The following POT1 variants were observed in gnomAD, a reference collection of about 807,000 sequenced individuals.
POT1 encodes protection of telomeres 1, also known as protection of telomeres protein 1.
Under a neutral mutation model 78.5 loss-of-function variants are expected in POT1, and 47 were observed. The ratio of observed to expected loss-of-function variants is 0.60; its 90% CI spans 0.47 to 0.76. The LOEUF (loss-of-function observed/expected upper bound fraction) is 0.76. POT1 is among the 30% of genes least tolerant of loss of function. The pLI is 0.00. For synonymous variants in POT1, 259 were observed against 260.7 expected, an observed-to-expected ratio of 0.99 and a Z score of 0.06; for missense variants, 646 against 749.9, an observed-to-expected ratio of 0.86 and a Z score of 1.62.
In POT1 at chr7:124,889,868, A is replaced by G. The variant is rs146485138; in HGVS notation, c.124+2398T>C. 5.1e-3 allele frequency among the ~76,000 whole-genome samples: 770 copies of G among 152,120 alleles called. 9 individuals are homozygous for G. Among genetic ancestry groups the G allele is most frequent in the African/African-American group, 0.017 (707 of 41,526 alleles). ...CATTGACAGTGCACCTAGTCACACAAGAGCTCTGATGGAGATGTTCAAGAT... is the reference window on the plus strand; with the variant it reads ...CATTGACAGTGCACCTAGTCACACAGGAGCTCTGATGGAGATGTTCAAGAT... On this transcript the variant is annotated intron_variant, in intron 6 of 18. Transcript: ENST00000357628.
intron 3 of POT1, among the ~76,000 whole-genome samples, chr7:124,904,489 T>C (rs536267777): frequency 3.3e-5 from 5 of 152,254 alleles, no homozygotes; most frequent in Admixed American, 3.3e-4. Context: ...ATTGATGGGA[T>C]GTATCTCAAA....
intron 13 of POT1, 103 bp downstream of exon 13, chr7:124,842,698 AATATAT>A (rs767685904): frequency 1.2e-6 from 1 of 831,042 alleles, no homozygotes; most frequent in Non-Finnish European, 1.7e-6. Flanking sequence ...TGCAAAATAT[AATATAT>A]ATATTAACAA....
chr7:124,872,501 T>A (rs66922607), intron 6 of POT1, among the ~76,000 whole-genome samples: 30,353 of 152,198 alleles, frequency 0.2, 3,765 homozygotes, highest in East Asian at 0.3. Context: ...ACTTAGTAGC[T>A]GTTTCAGCTA....
chr7:124,857,203 GTTTTC>G (rs1584768566), intron 9 of POT1, among the ~76,000 whole-genome samples: 1 of 152,296 alleles, frequency 6.6e-6, no homozygotes, highest in African/African-American at 2.4e-5. Flanking sequence ...CACTCTTACT[GTTTTC>G]TTTTAATTTC....
Position 124,823,853 on chromosome 7 carries a change from C to A in POT1, c.*109G>T, listed in dbSNP as rs990655151. 2.9e-5 allele frequency: 21 copies of A among 714,460 alleles called. No homozygotes were observed. The highest frequency in any genetic ancestry group is 5.2e-5 in the Non-Finnish European group (21 of 402,006). 44.3% of individuals were successfully genotyped at this position (714,460 alleles called of 1,614,324 possible). On this transcript the variant is annotated 3_prime_UTR_variant, in exon 19 of 19. Coordinates refer to ENST00000357628, the MANE Select transcript of POT1 (RefSeq NM_015450.3). ...GTAAGGACATTTTCTAATCCCATAC[C>A]CATGCTAACATCATCAACATTGCTG...
At chr7:124,897,122 G>A (rs1336853873) in intron 5 of POT1, 43 bp downstream of exon 5, 6 of 1,303,752 alleles carry the variant, frequency 4.6e-6, no homozygotes, top group Admixed American at 4.2e-5. Context: ...GGCATATACA[G>A]GTATAGGTGT....
At position 124,863,542 on chromosome 7, in the gene POT1, A is replaced by T; in HGVS notation, c.354T>A (p.Thr118=). 6.2e-7 allele frequency: 1 copy of T among 1,613,916 alleles called. No individual in the cohort carries two copies. Among genetic ancestry groups the T allele is most frequent in the South Asian group, 1.1e-5 (1 of 91,086 alleles). Residue 118 remains threonine, a synonymous_variant, in exon 8 of 19, where the codon ACT becomes ACA. Coordinates refer to ENST00000357628, the MANE Select transcript of POT1 (RefSeq NM_015450.3). ...TAGTGAAGTTAAAATACTTGCTTGAAGTGCGAGGTATGATAGGGGCTCCCA... is the reference window on the plus strand; with the variant it reads ...TAGTGAAGTTAAAATACTTGCTTGATGTGCGAGGTATGATAGGGGCTCCCA... ...GTLGAPIIPR[T]SSKYFNFTTE...
chr7:124,916,317 T>C (rs1296050920), intron 2 of POT1, among the ~76,000 whole-genome samples: 1 of 152,130 alleles, frequency 6.6e-6, no homozygotes, highest in Non-Finnish European at 1.5e-5. Context: ...ATTTTACTTA[T>C]AGGAACATAA....
intron 3 of POT1, among the ~76,000 whole-genome samples, chr7:124,907,942 G>T (rs184690261): frequency 2.4e-4 from 36 of 152,136 alleles, no homozygotes; most frequent in Middle Eastern, 3.4e-3. Flanking sequence ...AAAGGAAACA[G>T]TCAGTGGTGA....
intron 2 of POT1, among the ~76,000 whole-genome samples, chr7:124,919,100 T>C (rs939150879): frequency 6.6e-6 from 1 of 152,180 alleles, no homozygotes; most frequent in Non-Finnish European, 1.5e-5. Context: ...ACCGAGGCTA[T>C]ACAATATAGC....
intron 1 of POT1, chr7:124,929,336 C>T (rs373934578): frequency 6.6e-6 from 1 of 151,088 alleles, no homozygotes; most frequent in African/African-American, 2.4e-5. Context: ...TTTTTTTTAA[C>T]CCCCACGGGA....
intron 9 of POT1, among the ~76,000 whole-genome samples, chr7:124,854,078 A>G (rs1281664163): frequency 6.6e-6 from 1 of 151,948 alleles, no homozygotes; most frequent in African/African-American, 2.4e-5. Context: ...CAGACATCTT[A>G]CATAACAAAA....
chr7:124,851,660 A>G, intron 11 of POT1: 2 of 547,698 alleles, frequency 3.7e-6, no homozygotes, highest in Non-Finnish European at 6.5e-6. Context: ...TCAAGTAATC[A>G]CTACCACCCA....
intron 7 of POT1, among the ~76,000 whole-genome samples, chr7:124,869,459 A>G (rs1195055930): frequency 1.3e-5 from 2 of 152,198 alleles, no homozygotes; most frequent in Middle Eastern, 3.2e-3. Context: ...CAACAACTAA[A>G]TATGTTTATG....
intron 6 of POT1, among the ~76,000 whole-genome samples, chr7:124,878,787 T>C (rs1796050277): frequency 6.6e-6 from 1 of 151,982 alleles, no homozygotes; most frequent in African/African-American, 2.4e-5. Flanking sequence ...CTGATCCAAA[T>C]ATGAAGAAAA....
intron 14 of POT1, among the ~76,000 whole-genome samples, chr7:124,839,648 C>A (rs1329373279): frequency 6.6e-6 from 1 of 152,112 alleles, no homozygotes; most frequent in Non-Finnish European, 1.5e-5. Context: ...ATTCCTTTTA[C>A]ATTTCAAAGT....
At chr7:124,835,246 CA>C (rs776460543) in intron 15 of POT1, 32 bp downstream of exon 15, 4 of 600,064 alleles carry the variant, frequency 6.7e-6, no homozygotes, top group Non-Finnish European at 6.6e-6. Context: ...GTATAATAAA[CA>C]AAACAAAACA....
intron 5 of POT1, among the ~76,000 whole-genome samples, chr7:124,893,548 C>T (rs1323683256): frequency 6.6e-6 from 1 of 151,426 alleles, no homozygotes; most frequent in African/African-American, 2.4e-5. Flanking sequence ...ACTGAAACTC[C>T]TACTGATTTT....
At chr7:124,856,719 T>A (rs984246848) in intron 9 of POT1, among the ~76,000 whole-genome samples, 1 of 152,108 alleles carries the variant, frequency 6.6e-6, no homozygotes, top group Non-Finnish European at 1.5e-5. Context: ...GGGAATAAAA[T>A]GGCGAAGGAA....
Sources: allele counts gnomAD v4.1 joint callset (sites outside exome capture counted in the v4.1 genomes callset), GRCh38; gene constraint gnomAD v4.1.1; transcripts MANE v1.5; gene names NCBI Gene and HGNC (gene_info 2026-07-23, HGNC 2026-07-21).